The following THAP4 variants were observed in gnomAD, a reference collection of about 807,000 sequenced individuals.
The protein encoded by THAP4 is THAP domain containing 4.
THAP4 carries 18 observed loss-of-function variants against 48.1 expected under a neutral mutation model. That is an observed-to-expected ratio of 0.37 (90% CI 0.26 to 0.56). The LOEUF is 0.56. Ranked by LOEUF, THAP4 falls within the 20% of genes least tolerant of loss-of-function variation. The pLI is 0.78. For missense variants in THAP4, 656 were observed against 774.9 expected, an observed-to-expected ratio of 0.85 and a Z score of 1.82; for synonymous variants, 345 against 324.9, an observed-to-expected ratio of 1.06 and a Z score of -0.66.
chr2:241,593,524 G>A (rs1387571232), intron 5 of THAP4, among the ~76,000 whole-genome samples: 3 of 152,188 alleles, frequency 2.0e-5, no homozygotes, highest in African/African-American at 7.2e-5. Context: ...AGCCGACCCA[G>A]GAAGGCCGAG....
At chr2:241,600,727 C>CAAAAAAAA (rs35546566) in intron 5 of THAP4, among the ~76,000 whole-genome samples, 5 of 88,776 alleles carry the variant, frequency 5.6e-5, no homozygotes, top group African/African-American at 1.3e-4. Flanking sequence ...GACTCCGTCT[C>CAAAAAAAA]AAAAAAAAAA....
intron 2 of THAP4, among the ~76,000 whole-genome samples, chr2:241,614,519 TAAAAC>T (rs1403229787): frequency 2.0e-5 from 3 of 152,262 alleles, no homozygotes; most frequent in South Asian, 4.1e-4. Context: ...TGAATACAAA[TAAAAC>T]AAAATTCCCA....
chr2:241,612,324 T>C lies in THAP4; in HGVS notation c.1241-5851A>G, dbSNP rs1374091405. Among the ~76,000 whole-genome samples the C allele has an allele frequency of 6.6e-6, 1 of 152,132 alleles. No individual in the cohort carries two copies. Among genetic ancestry groups the C allele is most frequent in the African/African-American group, 2.4e-5 (1 of 41,432 alleles). The stretch of plus-strand genomic sequence containing the variant: ...AGGACGGGAACGCCTGGCACACTGC[T>C]GATGGGGACGTGAACTGGCACAGCC... On this transcript the variant is annotated intron_variant, in intron 2 of 5. Transcript: ENST00000407315. This position sits in a 1 kb window ranked among gnomAD's most constrained non-coding sequence, Gnocchi z 4.1.
rs1208724670 is a variant in THAP4, at chr2:241,610,293, G to T, written c.1241-3820C>A. ...CCGCCGGCCCCGCCCCGGAAGCGCA[G>T]CCCCGCCTCAGGCGCCGCATCTCCG... On this transcript the variant is annotated intron_variant, in intron 2 of 5. Coordinates refer to ENST00000407315, the MANE Select transcript of THAP4 (RefSeq NM_015963.6). This position sits in a 1 kb window ranked among gnomAD's most constrained non-coding sequence, Gnocchi z 4.2. Among the ~76,000 whole-genome samples, 2 of 152,072 alleles carry T rather than the reference G, an allele frequency of 1.3e-5. No individual in the cohort carries two copies. The highest frequency in any genetic ancestry group is 2.9e-5 in the Non-Finnish European group (2 of 67,988).
At chr2:241,592,528 C>G (rs528949374) in intron 5 of THAP4, among the ~76,000 whole-genome samples, 1 of 152,284 alleles carries the variant, frequency 6.6e-6, no homozygotes, top group East Asian at 1.9e-4. Flanking sequence ...GTACACAGCT[C>G]ATTGAGGCAT....
At chr2:241,608,168 C>T (rs1023701210) in intron 2 of THAP4, among the ~76,000 whole-genome samples, 3 of 152,156 alleles carry the variant, frequency 2.0e-5, no homozygotes, top group Non-Finnish European at 2.9e-5. Flanking sequence ...GAGGAGACCA[C>T]GTCCAAGAAC....
At chr2:241,600,429 C>T (rs953216916) in intron 5 of THAP4, among the ~76,000 whole-genome samples, 1 of 151,996 alleles carries the variant, frequency 6.6e-6, no homozygotes, top group African/African-American at 2.4e-5. Context: ...TGTAAGAATA[C>T]AAGAAATGAA....
At chr2:241,627,450 T>C (rs1016209524) in intron 2 of THAP4, among the ~76,000 whole-genome samples, 1 of 152,194 alleles carries the variant, frequency 6.6e-6, no homozygotes, top group African/African-American at 2.4e-5. Context: ...GTGCTAACAA[T>C]GTACCCTCAA....
chr2:241,588,576 C>G (rs971318359), intron 5 of THAP4, among the ~76,000 whole-genome samples: 1 of 152,068 alleles, frequency 6.6e-6, no homozygotes, highest in Non-Finnish European at 1.5e-5. Context: ...GTATAAAGAC[C>G]GAAACAGAGA....
Position 241,601,674 on chromosome 2 carries a change from A to C in THAP4, c.1614+222T>G, listed in dbSNP as rs1238661102. On this transcript the variant is annotated intron_variant, in intron 5 of 5. Coordinates refer to ENST00000407315, the MANE Select transcript of THAP4 (RefSeq NM_015963.6). This position sits in a 1 kb window ranked among gnomAD's most constrained non-coding sequence, Gnocchi z 4.0. ...AAAAGGATGTTTGTGACAAACAACA[A>C]ACCTCAAAAAAACCACACCACTGAC... The C allele has an allele frequency of 1.4e-6, 1 of 719,520 alleles. No homozygotes were observed. The highest frequency in any genetic ancestry group is 2.2e-6 in the Non-Finnish European group (1 of 453,288). 44.6% of individuals were successfully genotyped at this position (719,520 alleles called of 1,614,324 possible).
chr2:241,585,938 AAAGAAAAAG>A (rs2066890685), intron 5 of THAP4, among the ~76,000 whole-genome samples: 1 of 147,588 alleles, frequency 6.8e-6, no homozygotes, highest in Non-Finnish European at 1.5e-5. Context: ...AAGAAAAAAA[AAAGAAAAAG>A]AAAAAGAAAG....
At chr2:241,591,567 A>G (rs1413162914) in intron 5 of THAP4, among the ~76,000 whole-genome samples, 1 of 152,148 alleles carries the variant, frequency 6.6e-6, no homozygotes, top group Non-Finnish European at 1.5e-5. Context: ...GAGGGTGAGA[A>G]GCAGACCCCT....
At chr2:241,629,719 AG>A (rs1256145291) in intron 2 of THAP4, among the ~76,000 whole-genome samples, 1 of 151,772 alleles carries the variant, frequency 6.6e-6, no homozygotes, top group African/African-American at 2.4e-5. Context: ...GACAAAAAGG[AG>A]TTTCTTGTGT....
chr2:241,610,418 C>T lies in THAP4; in HGVS notation c.1241-3945G>A, dbSNP rs1246290814. Among the ~76,000 whole-genome samples, 2 of 152,182 alleles carry T rather than the reference C, an allele frequency of 1.3e-5. No individual in the cohort carries two copies. Among genetic ancestry groups the T allele is most frequent in the Admixed American group, 1.3e-4 (2 of 15,290 alleles). On this transcript the variant is annotated intron_variant, in intron 2 of 5. Coordinates refer to ENST00000407315, the MANE Select transcript of THAP4 (RefSeq NM_015963.6). This position sits in a 1 kb window ranked among gnomAD's most constrained non-coding sequence, Gnocchi z 4.2. ...TTGGGGAGCGGCAGAGGAGTCAGGG[C>T]GGAGGCTGGGCGGCGCTGGGCGGTG... is the stretch of plus-strand genomic sequence containing the variant.
chr2:241,634,381 G>C (rs2067611041), intron 1 of THAP4, among the ~76,000 whole-genome samples: 1 of 152,180 alleles, frequency 6.6e-6, no homozygotes, highest in Non-Finnish European at 1.5e-5. Context: ...ACAGGATGCT[G>C]ACAGACAGTG....
chr2:241,631,749 G>A (rs1265891970), intron 2 of THAP4, among the ~76,000 whole-genome samples: 2 of 152,214 alleles, frequency 1.3e-5, no homozygotes, highest in African/African-American at 4.8e-5. Flanking sequence ...ACAGGCAAGA[G>A]CTACTGTGCC....
chr2:241,618,394 GA>G (rs1248053714), intron 2 of THAP4, among the ~76,000 whole-genome samples: 1 of 152,190 alleles, frequency 6.6e-6, no homozygotes, highest in African/African-American at 2.4e-5. Context: ...AGAACTATTA[GA>G]ATCTACAAGT....
chr2:241,636,460 G>T (rs910117239), intron 1 of THAP4, among the ~76,000 whole-genome samples: 2 of 152,176 alleles, frequency 1.3e-5, no homozygotes, highest in African/African-American at 4.8e-5. Flanking sequence ...TCCCCAGCCG[G>T]CCGTCCCGTA....
intron 2 of THAP4, among the ~76,000 whole-genome samples, chr2:241,611,632 G>A (rs1282290819): frequency 2.6e-5 from 4 of 151,568 alleles, no homozygotes; most frequent in African/African-American, 7.3e-5. Flanking sequence ...GCTGAGGCAG[G>A]AGAATGGCAT....
Sources: allele counts gnomAD v4.1 joint callset (sites outside exome capture counted in the v4.1 genomes callset), GRCh38; gene constraint gnomAD v4.1.1; non-coding constraint Gnocchi (gnomAD v3.1); transcripts MANE v1.5; gene names NCBI Gene and HGNC (gene_info 2026-07-23, HGNC 2026-07-21).